POLL: variants seen among roughly 807,000 people sequenced by gnomAD.
POLL encodes the protein DNA polymerase beta-2.
Under a neutral mutation model 58.1 loss-of-function variants are expected in POLL, and 44 were observed. The observed-to-expected ratio is 0.76, with a 90% confidence interval of 0.60 to 0.97. POLL has a LOEUF of 0.97. Ranked by LOEUF, POLL falls within the 50% of genes least tolerant of loss-of-function variation. The pLI is 0.00. For missense variants in POLL, 632 were observed against 736.8 expected, an observed-to-expected ratio of 0.86 and a Z score of 1.65; for synonymous variants, 290 against 283.2, an observed-to-expected ratio of 1.02 and a Z score of -0.24.
In POLL at chr10:101,582,817, G is replaced by C; in HGVS notation, c.1140C>G (p.Tyr380Ter). Residue 380 changes from tyrosine (Y) to a stop codon, truncating the protein, a stop_gained, in exon 7 of 9, where the codon TAC becomes TAG. Coordinates refer to ENST00000370162, the MANE Select transcript of POLL (RefSeq NM_001174084.2). LOFTEE classifies it high-confidence loss of function. ...TTQQAIGLKHYSDFLERMPRE... is the reference protein window; with the variant it reads ...TTQQAIGLKH ...TGGGCATACGTTCCAGGAAGTCACT[G>C]TAATGCTTCAGGCCGATGGCCTGCT... is the stretch of plus-strand genomic sequence containing the variant. 6.2e-7 allele frequency: 1 copy of C among 1,614,218 alleles called. No homozygotes were observed. The highest frequency in any genetic ancestry group is 1.3e-5 in the African/African-American group (1 of 75,066).
Position 101,579,711 on chromosome 10 carries a change from G to A in POLL, c.1470C>T (p.Asp490=). Residue 490 remains aspartate (D), a synonymous_variant, in exon 9 of 9, where the codon GAC becomes GAT. Coordinates refer to ENST00000370162, the MANE Select transcript of POLL (RefSeq NM_001174084.2). The surrounding 1 kb of genome is among the most constrained non-coding windows in gnomAD (Gnocchi z 4.4). ...ACTCGCTATAGGGCACCACGATGAT[G>A]TCCAGGCGCCGGTGCCGCCGCCCTG... The part of the protein sequence containing the change: ...PGPGRRHRRL[D]IIVVPYSEFA... 1 of 1,613,812 alleles carries A rather than the reference G, an allele frequency of 6.2e-7. No individual in the cohort carries two copies. The highest frequency in any genetic ancestry group is 8.5e-7 in the Non-Finnish European group (1 of 1,180,002).
rs2063481363 is a variant in POLL, at chr10:101,587,940, G to C, written c.-165C>G. On this transcript the variant is annotated 5_prime_UTR_variant, in exon 1 of 9. In the 5' UTR this introduces an upstream ATG that the reference lacks. Transcript: ENST00000370162. Reference sequence around the variant, plus strand: ...GTGCTCAGCGCCGCAGCTGCGGGGAGATGGGGCACGGCCGCAGCAGGTGTG... The same window carrying C: ...GTGCTCAGCGCCGCAGCTGCGGGGACATGGGGCACGGCCGCAGCAGGTGTG... 1.6e-6 allele frequency: 2 copies of C among 1,239,394 alleles called. No individual in the cohort carries two copies. Among genetic ancestry groups the C allele is most frequent in the African/African-American group, 1.5e-5 (1 of 64,908 alleles). The allele number at this position is 1,239,394 out of a possible 1,614,324, so 76.8% of individuals were successfully genotyped here. A position where few individuals can be genotyped will look rare whatever the true frequency, so the allele number is the denominator to read the frequency against.
At position 101,579,356 on chromosome 10, in the gene POLL, G is replaced by A. The variant is rs1280433720; in HGVS notation, c.*97C>T. On this transcript the variant is annotated 3_prime_UTR_variant, in exon 9 of 9. Coordinates refer to ENST00000370162, the MANE Select transcript of POLL (RefSeq NM_001174084.2). This position sits in a 1 kb window ranked among gnomAD's most constrained non-coding sequence, Gnocchi z 4.4. ...CTCGCTGAGGAAGCTGGTGGTTGGA[G>A]CGGCGAGGTTCAGCCAGCTGAGGCT... 6 of 1,406,088 alleles carry A rather than the reference G, an allele frequency of 4.3e-6. No homozygotes were observed. Among genetic ancestry groups the A allele is most frequent in the Non-Finnish European group, 5.7e-6 (6 of 1,046,186 alleles). The allele number at this position is 1,406,088 out of a possible 1,614,324, so 87.1% of individuals were successfully genotyped here. A position where few individuals can be genotyped will look rare whatever the true frequency, so the allele number is the denominator to read the frequency against.
intron 7 of POLL, chr10:101,581,368 G>A (rs552049205): frequency 5.3e-5 from 8 of 152,366 alleles, no homozygotes; most frequent in African/African-American, 1.9e-4. Flanking sequence ...TACTGACTGA[G>A]GCATTCTCCA....
chr10:101,579,303 T>C lies in POLL; in HGVS notation c.*150A>G. On this transcript the variant is annotated 3_prime_UTR_variant, in exon 9 of 9. Coordinates refer to ENST00000370162, the MANE Select transcript of POLL (RefSeq NM_001174084.2). The surrounding 1 kb of genome is among the most constrained non-coding windows in gnomAD (Gnocchi z 4.4). ...AGACACTGGGAGCCGGGCTGGCTCT[T>C]GCTTCAGGCCCAGAGCCCTGGGCCC... 4.5e-6 allele frequency: 4 copies of C among 896,910 alleles called. No homozygotes were observed. The highest frequency in any genetic ancestry group is 6.6e-6 in the Non-Finnish European group (4 of 602,740). 55.6% of individuals were successfully genotyped at this position (896,910 alleles called of 1,614,324 possible). A position where few individuals can be genotyped will look rare whatever the true frequency, so the allele number is the denominator to read the frequency against.
At chr10:101,583,748 A>G (rs1214599025) in intron 5 of POLL, 67 bp from the exon 6 acceptor site, 3 of 1,451,644 alleles carry the variant, frequency 2.1e-6, no homozygotes, top group Non-Finnish European at 2.9e-6. Context: ...GCCAGTGGAA[A>G]GGAAGCTGAC....
intron 6 of POLL, chr10:101,583,297 A>T: frequency 1.7e-6 from 1 of 601,674 alleles, no homozygotes; most frequent in Non-Finnish European, 2.9e-6. Context: ...GTCCCTGTCT[A>T]CTCCTTCTTA....
intron 6 of POLL, chr10:101,583,124 T>C: frequency 1.6e-6 from 1 of 624,214 alleles, no homozygotes; most frequent in Non-Finnish European, 2.9e-6. Context: ...CATGATTCCA[T>C]CAGTCTGAGG....
In POLL at chr10:101,585,953, C is replaced by T. The variant is rs1217817489; in HGVS notation, c.319G>A (p.Ala107Thr). Residue 107 changes from alanine (A) to threonine (T), a missense_variant, in exon 3 of 9, where the codon GCT (alanine) becomes ACT (threonine). Ala to Thr is a moderately conservative substitution (Grantham distance 58). Transcript: ENST00000370162. ...AGCCAGGCTGACTTCACCAGCTGAG[C>T]ACCCGGGGGCAGCTGGGGTAGTCTG... The part of the protein sequence containing the change: ...LLRLPQLPPG[A>T]QLVKSAWLSL... 3.7e-6 allele frequency: 6 copies of T among 1,614,066 alleles called. No homozygotes were observed. In the Middle Eastern group the frequency reaches 6.6e-4, roughly 178 times the overall value.
In POLL at chr10:101,587,354, G is replaced by A. The variant is rs1253338334; in HGVS notation, c.7C>T (p.Pro3Ser). 2 of 1,614,112 alleles carry A rather than the reference G, an allele frequency of 1.2e-6. No homozygotes were observed. The highest frequency in any genetic ancestry group is 8.5e-7 in the Non-Finnish European group (1 of 1,179,998). MDPRGILKAFPKR... is the reference protein window; with the variant it reads MDSRGILKAFPKR... ...GGAAATGCCTTCAAGATACCCCTGGGATCCATTGAAGTATGGCTGGATCCC... is the reference window on the plus strand; with the variant it reads ...GGAAATGCCTTCAAGATACCCCTGGAATCCATTGAAGTATGGCTGGATCCC... The change falls in exon 2 of 9, where the codon CCC (proline) becomes TCC (serine). Residue 3 changes from proline (P) to serine (S), a missense_variant. By Grantham distance (74) the Pro-to-Ser change is moderately conservative (BLOSUM62 -1). Transcript: ENST00000370162.
chr10:101,586,429 A>G (rs371264328), intron 2 of POLL, among the ~76,000 whole-genome samples: 2 of 152,160 alleles, frequency 1.3e-5, no homozygotes, highest in East Asian at 3.8e-4. Flanking sequence ...AGTAACCTGT[A>G]AATATTTGTT....
chr10:101,585,711 T>C (rs1040999740), intron 3 of POLL, 151 bp downstream of exon 3: 1 of 777,728 alleles, frequency 1.3e-6, no homozygotes, highest in East Asian at 2.7e-5. Context: ...CAATCAATCC[T>C]CCCACCTAAA....
At position 101,585,851 on chromosome 10, in the gene POLL, G is replaced by C. The variant is rs1488539770; in HGVS notation, c.410+11C>G. The C allele has an allele frequency of 6.5e-7, 1 of 1,529,662 alleles. No individual in the cohort carries two copies. Among genetic ancestry groups the C allele is most frequent in the African/African-American group, 1.4e-5 (1 of 72,298 alleles). The allele number at this position is 1,529,662 out of a possible 1,614,324, so 94.8% of individuals were successfully genotyped here. A position where few individuals can be genotyped will look rare whatever the true frequency, so the allele number is the denominator to read the frequency against. ...AGAAAACATTTGAAAAAAAGACTGGGATCAGCCCACCTACTGGGGATGAAG... is the reference window on the plus strand; with the variant it reads ...AGAAAACATTTGAAAAAAAGACTGGCATCAGCCCACCTACTGGGGATGAAG... On this transcript the variant is annotated intron_variant, in intron 3 of 8. Coordinates refer to ENST00000370162, the MANE Select transcript of POLL (RefSeq NM_001174084.2).
Position 101,579,763 on chromosome 10 carries a change from T to C in POLL, c.1418A>G (p.Tyr473Cys). 1.2e-6 allele frequency: 2 copies of C among 1,613,846 alleles called. No homozygotes were observed. The highest frequency in any genetic ancestry group is 1.7e-6 in the Non-Finnish European group (2 of 1,179,988). Residue 473 changes from tyrosine (Y) to cysteine (C), a missense_variant, in exon 9 of 9, where the codon TAC (tyrosine) becomes TGC (cysteine). By Grantham distance (194) the Tyr-to-Cys change is radical. Transcript: ENST00000370162. The surrounding 1 kb of genome is among the most constrained non-coding windows in gnomAD (Gnocchi z 4.4). ...SQEENGQQQKYLGVCRLPGPG... is the reference protein window; with the variant it reads ...SQEENGQQQKCLGVCRLPGPG... ...CCCTGGGAGCCGGCACACCCCCAAGTACTTCTGTTGCTGACCATTCTCCTC... is the reference window on the plus strand; with the variant it reads ...CCCTGGGAGCCGGCACACCCCCAAGCACTTCTGTTGCTGACCATTCTCCTC...
chr10:101,582,832 G>C lies in POLL; in HGVS notation c.1125C>G (p.Ile375Met), dbSNP rs41291484. 1 of 1,613,966 alleles carries C rather than the reference G, an allele frequency of 6.2e-7. No homozygotes were observed. The highest frequency in any genetic ancestry group is 1.7e-5 in the Admixed American group (1 of 60,024). Reference protein sequence around the residue: ...SQASLTTQQAIGLKHYSDFLE... With the variant: ...SQASLTTQQAMGLKHYSDFLE... Reference sequence around the variant, plus strand: ...GGAAGTCACTGTAATGCTTCAGGCCGATGGCCTGCTGGGTTGTCAGGGAGG... The same window carrying C: ...GGAAGTCACTGTAATGCTTCAGGCCCATGGCCTGCTGGGTTGTCAGGGAGG... The change falls in exon 7 of 9, where the codon ATC becomes ATG. Residue 375 changes from isoleucine (I) to methionine (M), a missense_variant. Transcript: ENST00000370162.
chr10:101,581,650 G>A (rs1272876676), intron 7 of POLL: 1 of 152,198 alleles, frequency 6.6e-6, no homozygotes, highest in East Asian at 1.9e-4. Flanking sequence ...CCTAAATGCA[G>A]TCCAGTGTCT....
Position 101,587,879 on chromosome 10 carries a change from C to T in POLL, c.-104G>A. The T allele has an allele frequency of 8.4e-7, 1 of 1,197,060 alleles. No homozygotes were observed. The highest frequency in any genetic ancestry group is 1.1e-6 in the Non-Finnish European group (1 of 945,862). The allele number at this position is 1,197,060 out of a possible 1,614,324, so 74.2% of individuals were successfully genotyped here. On this transcript the variant is annotated 5_prime_UTR_variant, in exon 1 of 9. Transcript: ENST00000370162. ...ACTTTCGGGGGTGAGTGGGAACGCCCTGCACCTGTCCTGGTCTCAGCCTCT... is the reference window on the plus strand; with the variant it reads ...ACTTTCGGGGGTGAGTGGGAACGCCTTGCACCTGTCCTGGTCTCAGCCTCT...
intron 4 of POLL, among the ~76,000 whole-genome samples, 192 bp from the exon 5 acceptor site, chr10:101,585,111 C>T (rs1362947708): frequency 6.6e-6 from 1 of 152,154 alleles, no homozygotes; most frequent in Non-Finnish European, 1.5e-5. Context: ...CACGCAGTGC[C>T]TAGCCCTAGG....
chr10:101,586,951 A>AG (rs2063390434), intron 2 of POLL, among the ~76,000 whole-genome samples: 1 of 152,234 alleles, frequency 6.6e-6, no homozygotes, highest in Non-Finnish European at 1.5e-5. Context: ...TGGGTAATGG[A>AG]GGGGGGTTTC....
Sources: allele counts gnomAD v4.1 joint callset (sites outside exome capture counted in the v4.1 genomes callset), GRCh38; gene constraint gnomAD v4.1.1; non-coding constraint Gnocchi (gnomAD v3.1); transcripts MANE v1.5; gene names NCBI Gene and HGNC (gene_info 2026-07-23, HGNC 2026-07-21).